Variants in RARG observed in about 807,000 individuals in gnomAD.
RARG encodes retinoic acid receptor gamma, also known as RAR-gamma.
In RARG, 17 loss-of-function variants were observed where a neutral mutation model predicts 43.7. That is an observed-to-expected ratio of 0.39 (90% CI 0.27 to 0.58). The LOEUF is 0.58. Among genes scored for constraint, RARG ranks in the 20% least tolerant of loss-of-function variants. The pLI is 0.57. For synonymous variants in RARG, 238 were observed against 236.4 expected, an observed-to-expected ratio of 1.01 and a Z score of -0.06; for missense variants, 346 against 598.7, an observed-to-expected ratio of 0.58 and a Z score of 4.40.
chr12:53,231,944 C>T (rs934831562), intron 1 of RARG, 30 bp downstream of exon 1: 2 of 395,696 alleles, frequency 5.1e-6, no homozygotes, highest in Non-Finnish European at 8.9e-6. Flanking sequence ...GGCGACGGGG[C>T]GGGCGAGCCT....
At chr12:53,231,718 G>A (rs745611067) in intron 1 of RARG, among the ~76,000 whole-genome samples, 8 of 152,350 alleles carry the variant, frequency 5.3e-5, no homozygotes, top group Middle Eastern at 3.4e-3. Flanking sequence ...TTCCCCAAAT[G>A]CTGTCCTCTG....
At position 53,214,151 on chromosome 12, in the gene RARG, T is replaced by C. The variant is rs1415224284; in HGVS notation, c.721A>G (p.Ile241Val). 1 of 1,613,918 alleles carries C rather than the reference T, an allele frequency of 6.2e-7. No individual in the cohort carries two copies. Among genetic ancestry groups the C allele is most frequent in the East Asian group, 2.2e-5 (1 of 44,872 alleles). The change falls in exon 7 of 10, where the codon ATC (isoleucine) becomes GTC (valine). Residue 241 changes from isoleucine (I) to valine (V), a missense_variant. By Grantham distance (29) the Ile-to-Val change is conservative. Around this residue, in one of 8 missense-constraint regions of RARG, gnomAD observed 37 missense variants for 146.3 expected, o/e 0.25. Coordinates refer to ENST00000425354, the MANE Select transcript of RARG (RefSeq NM_000966.6). ...SELATKCIIKIVEFAKRLPGF... is the reference protein window; with the variant it reads ...SELATKCIIKVVEFAKRLPGF... ...GGCAACCGCTTGGCAAACTCCACGA[T>C]CTTGATGATGCACTTGGTAGCCAGC...
At position 53,213,951 on chromosome 12, in the gene RARG, A is replaced by C; in HGVS notation, c.813+108T>G. ...CGAAAAGAGAGCTGAGGAGTCCCAC[A>C]TGTGTGGCAGGGGGTGCAGGGTAAG... On this transcript the variant is annotated intron_variant, in intron 7 of 9. Coordinates refer to ENST00000425354, the MANE Select transcript of RARG (RefSeq NM_000966.6). The surrounding 1 kb of genome is among the most constrained non-coding windows in gnomAD (Gnocchi z 4.7). 7.6e-7 allele frequency: 1 copy of C among 1,322,706 alleles called. No individual in the cohort carries two copies. Among genetic ancestry groups the C allele is most frequent in the Non-Finnish European group, 1.0e-6 (1 of 952,408 alleles). The allele number at this position is 1,322,706 out of a possible 1,614,324, so 81.9% of individuals were successfully genotyped here.
At chr12:53,219,426 C>A (rs1230368228) in intron 3 of RARG, among the ~76,000 whole-genome samples, 1 of 152,212 alleles carries the variant, frequency 6.6e-6, no homozygotes, top group Admixed American at 6.5e-5. Context: ...CACGCCCTCC[C>A]GGCCTCACGC....
rs890955361 is a variant in RARG at position 53,232,002 on chromosome 12, G to GT, written c.-239_-238insA. The GT allele has an allele frequency of 1.3e-5, 5 of 397,482 alleles. No individual in the cohort carries two copies. The highest frequency in any genetic ancestry group is 8.8e-5 in the Admixed American group (2 of 22,716). The allele number at this position is 397,482 out of a possible 1,614,324, so 24.6% of individuals were successfully genotyped here. A position where few individuals can be genotyped will look rare whatever the true frequency, so the allele number is the denominator to read the frequency against. On this transcript the variant is annotated 5_prime_UTR_variant, in exon 1 of 10. Coordinates refer to ENST00000425354, the MANE Select transcript of RARG (RefSeq NM_000966.6). ...GAGTGGGAGGGGGAAGGGAGGCGGC[G>GT]GAGCCCCGAGGTCCCGGCGTCGGGC... is the stretch of plus-strand genomic sequence containing the variant.
intron 2 of RARG, among the ~76,000 whole-genome samples, chr12:53,230,790 T>TG (rs372465471): frequency 0.038 from 2,602 of 67,676 alleles, 114 homozygotes; most frequent in African/African-American, 0.13. Flanking sequence ...TGCCGGGGTG[T>TG]GGGGGGGCGT....
In RARG at chr12:53,227,668, C is replaced by G. The variant is rs899086746; in HGVS notation, c.-123G>C. 4 of 1,323,798 alleles carry G rather than the reference C, an allele frequency of 3.0e-6. No individual in the cohort carries two copies. The South Asian group carries it at 7.9e-5, about 26-fold the overall frequency. 82.0% of individuals were successfully genotyped at this position (1,323,798 alleles called of 1,614,324 possible). A position where few individuals can be genotyped will look rare whatever the true frequency, so the allele number is the denominator to read the frequency against. On this transcript the variant is annotated 5_prime_UTR_variant, in exon 3 of 10. Transcript: ENST00000425354. This position sits in a 1 kb window ranked among gnomAD's most constrained non-coding sequence, Gnocchi z 4.3. ...TCCGTACCCGCCCTGCCTGGCCTGC[C>G]CACTGGGCCTCCAAAAGTCCTAGGG...
chr12:53,221,786 C>A (rs535827530), intron 3 of RARG, among the ~76,000 whole-genome samples: 62 of 151,286 alleles, frequency 4.1e-4, no homozygotes, highest in African/African-American at 1.3e-3. Context: ...CCTGCCCAGC[C>A]GGCTCTGTCA....
chr12:53,213,014 T>C lies in RARG; in HGVS notation c.1177+71A>G, dbSNP rs1377554403. 6.7e-7 allele frequency: 1 copy of C among 1,485,008 alleles called. No individual in the cohort carries two copies. The highest frequency in any genetic ancestry group is 2.0e-5 in the Admixed American group (1 of 50,034). The allele number at this position is 1,485,008 out of a possible 1,614,324, so 92.0% of individuals were successfully genotyped here. On this transcript the variant is annotated intron_variant, in intron 9 of 9. Transcript: ENST00000425354. The surrounding 1 kb of genome is among the most constrained non-coding windows in gnomAD (Gnocchi z 4.7). ...CAACTACTCTGTTCTTGTCTCTGTG[T>C]GTCCTCCTGTCCGACCTGGGAGACC...
intron 3 of RARG, among the ~76,000 whole-genome samples, chr12:53,223,528 C>T (rs1317512476): frequency 1.3e-5 from 2 of 149,068 alleles, no homozygotes; most frequent in South Asian, 4.6e-4. Flanking sequence ...CCCCCGCCCC[C>T]CCCCCGCCCA....
chr12:53,217,390 G>A (rs1433861373), intron 3 of RARG, among the ~76,000 whole-genome samples: 6 of 152,322 alleles, frequency 3.9e-5, no homozygotes, highest in East Asian at 1.9e-4. Flanking sequence ...AGGCCTGTGC[G>A]TGGGGTGGTG....
rs761028583 is a variant in RARG at position 53,214,528 on chromosome 12, T to C, written c.554A>G (p.Gln185Arg). The C allele has an allele frequency of 3.7e-6, 6 of 1,613,848 alleles. No homozygotes were observed. The highest frequency in any genetic ancestry group is 4.2e-6 in the Non-Finnish European group (5 of 1,179,724). ...GACCTTGGTGATGAGCTCTTCTAAC[T>C]GAGGGCTCAGCTCATAGCTGTCAGG... Reference protein sequence around the residue: ...GSPDSYELSPQLEELITKVSK... With the variant: ...GSPDSYELSPRLEELITKVSK... The change falls in exon 6 of 10, where the codon CAG (glutamine) becomes CGG (arginine). Residue 185 changes from glutamine to arginine, a missense_variant. Gln to Arg is a conservative substitution (Grantham distance 43, BLOSUM62 1). Around this residue, in one of 8 missense-constraint regions of RARG, gnomAD observed 67 missense variants for 79.6 expected, o/e 0.84. Transcript: ENST00000425354.
At position 53,213,751 on chromosome 12, in the gene RARG, A is replaced by T. The variant is rs554269786; in HGVS notation, c.814-51T>A. 4 of 1,515,880 alleles carry T rather than the reference A, an allele frequency of 2.6e-6. No individual in the cohort carries two copies. The South Asian group carries it at 4.7e-5, about 18-fold the overall frequency. The allele number at this position is 1,515,880 out of a possible 1,614,324, so 93.9% of individuals were successfully genotyped here. On this transcript the variant is annotated intron_variant, in intron 7 of 9. Transcript: ENST00000425354. This position sits in a 1 kb window ranked among gnomAD's most constrained non-coding sequence, Gnocchi z 4.7. ...TAGTGCTGTTTCTGGGGGATGGGGA[A>T]AAGAGGGAATGAGTGGAAAGTGAGG... is the stretch of plus-strand genomic sequence containing the variant.
At chr12:53,218,124 G>T (rs1196540226) in intron 3 of RARG, among the ~76,000 whole-genome samples, 10 of 152,032 alleles carry the variant, frequency 6.6e-5, no homozygotes, top group Admixed American at 6.5e-4. Context: ...CCACACAAGG[G>T]AACAGCCCTA....
intron 9 of RARG, among the ~76,000 whole-genome samples, chr12:53,212,414 T>G (rs1310644157): frequency 6.6e-6 from 1 of 151,868 alleles, no homozygotes; most frequent in East Asian, 1.9e-4. Context: ...ATGTTACAGG[T>G]TTTTTTTGTT....
intron 2 of RARG, chr12:53,229,788 G>C (rs1454066703): frequency 1.1e-5 from 3 of 271,586 alleles, no homozygotes; most frequent in African/African-American, 2.3e-5. Flanking sequence ...ACTTGGCTTA[G>C]ACTGGGAACA....
At chr12:53,223,513 G>C (rs1943031059) in intron 3 of RARG, among the ~76,000 whole-genome samples, 1 of 144,094 alleles carries the variant, frequency 6.9e-6, no homozygotes, top group Admixed American at 6.9e-5. Context: ...CGGCTTGCCC[G>C]GCTCCCCCCG....
At position 53,214,106 on chromosome 12, in the gene RARG, T is replaced by G; in HGVS notation, c.766A>C (p.Ile256Leu). ...TTGAGCAGAGTGATCTGGTCAGCAATGCTGAGCCCTGTAAAGCCAGGCAAC... is the reference window on the plus strand; with the variant it reads ...TTGAGCAGAGTGATCTGGTCAGCAAGGCTGAGCCCTGTAAAGCCAGGCAAC... The part of the protein sequence containing the change: ...KRLPGFTGLS[I>L]ADQITLLKAA... The change falls in exon 7 of 10, where the codon ATT (isoleucine) becomes CTT (leucine). Residue 256 changes from isoleucine (I) to leucine (L), a missense_variant. Transcript: ENST00000425354. The G allele has an allele frequency of 1.2e-6, 2 of 1,614,074 alleles. No homozygotes were observed. Among genetic ancestry groups the G allele is most frequent in the Non-Finnish European group, 1.7e-6 (2 of 1,180,002 alleles).
Position 53,229,295 on chromosome 12 carries a change from A to G in RARG, c.-142-1608T>C, listed in dbSNP as rs536054749. Among the ~76,000 whole-genome samples the G allele has an allele frequency of 2.6e-5, 4 of 152,066 alleles. No individual in the cohort carries two copies. The South Asian group carries it at 8.3e-4, about 32-fold the overall frequency. ...TATATCTGCCTTTCTTTCCATCAGT[A>G]TTTGCTTCTAGGATGTATAGCTCTC... On this transcript the variant is annotated intron_variant, in intron 2 of 9. Coordinates refer to ENST00000425354, the MANE Select transcript of RARG (RefSeq NM_000966.6).
Sources: gnomAD v4.1 joint callset for allele counts (sites outside exome capture counted in the v4.1 genomes callset) on GRCh38, gnomAD v4.1.1 for gene constraint, gnomAD v4.1.1 regional missense constraint, Gnocchi (gnomAD v3.1) non-coding constraint, MANE v1.5 for transcripts, NCBI Gene and HGNC (gene_info 2026-07-23, HGNC 2026-07-21) for gene names.